RCAN2: variants seen among roughly 807,000 people sequenced by gnomAD.
RCAN2 encodes the protein regulator of calcineurin 2.
RCAN2 carries 9 observed loss-of-function variants against 23.6 expected under a neutral mutation model. The observed-to-expected ratio is 0.38, with a 90% CI of 0.23 to 0.67. RCAN2 has a LOEUF of 0.67. RCAN2 is among the 30% of genes least tolerant of loss of function. The pLI is 0.51. For synonymous variants in RCAN2, 109 were observed against 115.7 expected (o/e 0.94, Z 0.37); for missense variants, 273 against 302.3 (o/e 0.90, Z 0.72).
chr6:46,481,806 A>C (rs1356836510), intron 1 of RCAN2, among the ~76,000 whole-genome samples: 1 of 152,182 alleles, frequency 6.6e-6, no homozygotes, highest in African/African-American at 2.4e-5. Context: ...CAGCATTTAC[A>C]TTGCCATGAT....
At chr6:46,399,456 C>T (rs983650787) in intron 2 of RCAN2, among the ~76,000 whole-genome samples, 74 of 150,674 alleles carry the variant, frequency 4.9e-4, no homozygotes, top group Middle Eastern at 3.4e-3. Flanking sequence ...GGGGGAACTG[C>T]AGGCAAGGTG....
At position 46,431,096 on chromosome 6, in the gene RCAN2, G is replaced by A. The variant is rs183569687; in HGVS notation, c.225+25656C>T. ...GCAACAGCTAAACGATTTCTTCCTC[G>A]TTGATTATCTTCCCAGCATTGTGTG... On this transcript the variant is annotated intron_variant, in intron 2 of 4. Transcript: ENST00000371374. Among the ~76,000 whole-genome samples the A allele has an allele frequency of 3.3e-4, 50 of 152,004 alleles. No homozygotes were observed. In the South Asian group the frequency reaches 3.5e-3, roughly 11 times the overall value.
At chr6:46,449,305 C>T (rs916268412) in intron 2 of RCAN2, among the ~76,000 whole-genome samples, 30 of 151,480 alleles carry the variant, frequency 2.0e-4, no homozygotes, top group African/African-American at 7.0e-4. Flanking sequence ...AACTATGAAA[C>T]ATAATGAAGG....
intron 2 of RCAN2, among the ~76,000 whole-genome samples, chr6:46,299,578 C>A (rs115371063): frequency 1.4e-4 from 21 of 152,122 alleles, no homozygotes; most frequent in African/African-American, 4.6e-4. Flanking sequence ...AGAAGGCTTT[C>A]TTCCCCTCTC....
intron 2 of RCAN2, among the ~76,000 whole-genome samples, chr6:46,292,928 G>C (rs1403091195): frequency 6.6e-6 from 1 of 152,022 alleles, no homozygotes; most frequent in Non-Finnish European, 1.5e-5. Flanking sequence ...CTGTGTCCAT[G>C]TGTTCTCATT....
chr6:46,437,120 T>C (rs559328786), intron 2 of RCAN2, among the ~76,000 whole-genome samples: 2 of 152,306 alleles, frequency 1.3e-5, no homozygotes, highest in South Asian at 2.1e-4. Context: ...CTTACGGGCT[T>C]GAAAGTGCCA....
intron 2 of RCAN2, among the ~76,000 whole-genome samples, chr6:46,372,922 T>A (rs1211345777): frequency 1.3e-5 from 2 of 152,212 alleles, no homozygotes; most frequent in African/African-American, 4.8e-5. Context: ...TTAGAGATCA[T>A]GAAGTCAAAG....
chr6:46,386,031 TA>T (rs1228370449), intron 2 of RCAN2, among the ~76,000 whole-genome samples: 11 of 151,952 alleles, frequency 7.2e-5, no homozygotes, highest in Non-Finnish European at 1.2e-4. Flanking sequence ...GGGATCTAAT[TA>T]AACTAAAGAG....
At chr6:46,359,332 G>A (rs1162112152) in intron 2 of RCAN2, among the ~76,000 whole-genome samples, 4 of 152,196 alleles carry the variant, frequency 2.6e-5, no homozygotes, top group South Asian at 2.1e-4. Flanking sequence ...CGACAGTTCC[G>A]GTGTGATACA....
intron 2 of RCAN2, among the ~76,000 whole-genome samples, chr6:46,253,825 T>C (rs1766816122): frequency 6.6e-6 from 1 of 152,232 alleles, no homozygotes; most frequent in Non-Finnish European, 1.5e-5. Context: ...TGATTAGATA[T>C]ATTGAGATAT....
chr6:46,326,958 T>G (rs1763812724), intron 2 of RCAN2, among the ~76,000 whole-genome samples: 1 of 152,242 alleles, frequency 6.6e-6, no homozygotes, highest in Non-Finnish European at 1.5e-5. Flanking sequence ...ACTGTGTGTG[T>G]GTGTCTTTGT....
chr6:46,481,613 A>G (rs1768862435), intron 1 of RCAN2, among the ~76,000 whole-genome samples: 1 of 152,216 alleles, frequency 6.6e-6, no homozygotes, highest in Non-Finnish European at 1.5e-5. Context: ...TATTTGTTAC[A>G]AAGACTTTTG....
intron 2 of RCAN2, among the ~76,000 whole-genome samples, chr6:46,315,914 CAAGAAAAGAGGTT>C (rs1363356776): frequency 2.0e-4 from 2 of 10,094 alleles, no homozygotes; most frequent in East Asian, 4.3e-3. Context: ...TTGGAAGAGA[CAAGAAAAGAGGTT>C]TGGAAGAGAC....
chr6:46,463,322 T>C (rs1768278286), intron 1 of RCAN2, among the ~76,000 whole-genome samples: 1 of 152,260 alleles, frequency 6.6e-6, no homozygotes, highest in Non-Finnish European at 1.5e-5. Context: ...AATTTTTGTA[T>C]ACAAAAACAG....
chr6:46,460,201 G>A (rs1768168427), intron 1 of RCAN2, among the ~76,000 whole-genome samples: 1 of 152,028 alleles, frequency 6.6e-6, no homozygotes, highest in African/African-American at 2.4e-5. Flanking sequence ...TGGGACTACA[G>A]GCATGCACCA....
intron 2 of RCAN2, among the ~76,000 whole-genome samples, chr6:46,414,619 T>C (rs1766649745): frequency 6.6e-6 from 1 of 152,210 alleles, no homozygotes; most frequent in Non-Finnish European, 1.5e-5. Flanking sequence ...ATCTAATCAG[T>C]TGAAGGCCTT....
chr6:46,300,685 A>G (rs1295320488), intron 2 of RCAN2, among the ~76,000 whole-genome samples: 2 of 152,094 alleles, frequency 1.3e-5, no homozygotes, highest in African/African-American at 4.8e-5. Flanking sequence ...AAATAGAATA[A>G]TAAGTGAGTA....
chr6:46,331,550 G>A (rs1277940532), intron 2 of RCAN2, among the ~76,000 whole-genome samples: 1 of 152,086 alleles, frequency 6.6e-6, no homozygotes, highest in Non-Finnish European at 1.5e-5. Context: ...TCTTCAAAGG[G>A]CACTTACCTT....
chr6:46,243,261 T>C (rs1034213225), intron 4 of RCAN2, among the ~76,000 whole-genome samples: 3 of 152,090 alleles, frequency 2.0e-5, no homozygotes, highest in Non-Finnish European at 4.4e-5. Context: ...CTGAGGAAGC[T>C]TCAAGGACAT....
Sources: gnomAD v4.1 joint callset for allele counts (sites outside exome capture counted in the v4.1 genomes callset) on GRCh38, gnomAD v4.1.1 for gene constraint, MANE v1.5 for transcripts, NCBI Gene and HGNC (gene_info 2026-07-23, HGNC 2026-07-21) for gene names.